SLC18A2: variants seen among roughly 807,000 people sequenced by gnomAD.
SLC18A2 encodes the protein solute carrier family 18 member A2, also known as synaptic vesicular amine transporter.
In SLC18A2, 33 loss-of-function variants were observed where a neutral mutation model predicts 59.2. That is an observed-to-expected ratio of 0.56 (90% CI 0.42 to 0.75). The LOEUF (loss-of-function observed/expected upper bound fraction) is 0.75, where lower values mean the gene tolerates loss of function less well. Among genes scored for constraint, SLC18A2 ranks in the 30% least tolerant of loss-of-function variants. SLC18A2 has a pLI of 0.00. For missense variants in SLC18A2, 569 were observed against 668.6 expected (o/e 0.85, Z 1.64); for synonymous variants, 228 against 253.5 (o/e 0.90, Z 0.95).
Position 117,272,198 on chromosome 10 carries a change from A to G in SLC18A2, c.1440+1735A>G, listed in dbSNP as rs1247088157. 4.6e-5 allele frequency among the ~76,000 whole-genome samples: 7 copies of G among 152,078 alleles called. No individual in the cohort carries two copies. The South Asian group carries it at 1.0e-3, about 23-fold the overall frequency. ...CCTGTGGCTCAAAAAGTGTGTTCCT[A>G]TTTCCAATATCACCCCACTCTTTCC... On this transcript the variant is annotated intron_variant, in intron 15 of 15. Transcript: ENST00000644641.
intron 3 of SLC18A2, among the ~76,000 whole-genome samples, chr10:117,250,451 A>G (rs374917494): frequency 2.3e-4 from 35 of 152,298 alleles, no homozygotes; most frequent in African/African-American, 7.0e-4. Flanking sequence ...CGTTTATTCC[A>G]TACGTGCATT....
At chr10:117,244,511 G>T (rs1478965895) in intron 3 of SLC18A2, among the ~76,000 whole-genome samples, 198 bp downstream of exon 3, 1 of 152,184 alleles carries the variant, frequency 6.6e-6, no homozygotes, top group Admixed American at 6.5e-5. Flanking sequence ...CCCTTCTGTT[G>T]CTCAACAAGT....
intron 9 of SLC18A2, among the ~76,000 whole-genome samples, chr10:117,256,037 GGTCCCCGGTGGGCAGTCT>G: frequency 6.6e-6 from 1 of 152,144 alleles, no homozygotes; most frequent in South Asian, 2.1e-4. Context: ...TCAAGGCAAG[GGTCCCCGGTGGGCAGTCT>G]GACTCACCTT....
chr10:117,253,217 C>A (rs1011841441), intron 3 of SLC18A2, among the ~76,000 whole-genome samples, 182 bp from the exon 4 acceptor site: 4 of 152,166 alleles, frequency 2.6e-5, no homozygotes, highest in Non-Finnish European at 5.9e-5. Flanking sequence ...TAAATGTATT[C>A]ACGTTCCAAG....
At chr10:117,246,296 A>G (rs527454999) in intron 3 of SLC18A2, among the ~76,000 whole-genome samples, 16 of 152,162 alleles carry the variant, frequency 1.1e-4, no homozygotes, top group Non-Finnish European at 2.1e-4. Flanking sequence ...TGATGTGAGT[A>G]CTCCAATCTT....
At chr10:117,273,384 T>C (rs915066802) in intron 15 of SLC18A2, among the ~76,000 whole-genome samples, 3 of 152,208 alleles carry the variant, frequency 2.0e-5, no homozygotes, top group Non-Finnish European at 2.9e-5. Flanking sequence ...GATTTTTTTT[T>C]CCAGGTTGAA....
chr10:117,245,095 G>C (rs1391206525), intron 3 of SLC18A2, among the ~76,000 whole-genome samples: 1 of 152,180 alleles, frequency 6.6e-6, no homozygotes, highest in Non-Finnish European at 1.5e-5. Flanking sequence ...GGGGCTCAAA[G>C]CTCAGGACAA....
In SLC18A2 at chr10:117,269,288, CAT is replaced by C. The variant is rs1237240680; in HGVS notation, c.1187-777_1187-776del. 3.3e-5 allele frequency among the ~76,000 whole-genome samples: 5 copies of C among 152,006 alleles called. No individual in the cohort carries two copies. The highest frequency in any genetic ancestry group is 4.8e-5 in the African/African-American group (2 of 41,452). On this transcript the variant is annotated intron_variant, in intron 13 of 15. Transcript: ENST00000644641. This position sits in a 1 kb window ranked among gnomAD's most constrained non-coding sequence, Gnocchi z 5.1. ...ATACACATGCAAACACATGTACACA[CAT>C]ATATACACATACATACACAGATACA...
chr10:117,242,909 T>G (rs1486007190), intron 2 of SLC18A2, among the ~76,000 whole-genome samples: 1 of 152,128 alleles, frequency 6.6e-6, no homozygotes, highest in African/African-American at 2.4e-5. Flanking sequence ...TTTTTGTATT[T>G]TTATTAGAGA....
intron 10 of SLC18A2, among the ~76,000 whole-genome samples, chr10:117,261,859 C>T (rs567964619): frequency 6.6e-6 from 1 of 152,262 alleles, no homozygotes; most frequent in Admixed American, 6.5e-5. Flanking sequence ...GATGGTTGCT[C>T]AACTCTGTGA....
chr10:117,263,239 TG>T (rs1844314429), intron 10 of SLC18A2, among the ~76,000 whole-genome samples: 1 of 152,128 alleles, frequency 6.6e-6, no homozygotes, highest in Admixed American at 6.5e-5. Flanking sequence ...TCCCTGACCC[TG>T]GGGATGGGGT....
At chr10:117,252,291 A>AT (rs74595901) in intron 3 of SLC18A2, among the ~76,000 whole-genome samples, 30,956 of 151,336 alleles carry the variant, frequency 0.2, 3,869 homozygotes, top group East Asian at 0.56. Flanking sequence ...GCCGATTACA[A>AT]TTTTTTATTA....
intron 2 of SLC18A2, among the ~76,000 whole-genome samples, chr10:117,242,141 A>G (rs1381055337): frequency 1.3e-5 from 2 of 152,226 alleles, no homozygotes; most frequent in Non-Finnish European, 1.5e-5. Context: ...AGAAATTCCT[A>G]AAGTTCAAAA....
At chr10:117,251,223 G>GCCC (rs1844158870) in intron 3 of SLC18A2, among the ~76,000 whole-genome samples, 1 of 152,180 alleles carries the variant, frequency 6.6e-6, no homozygotes, top group Non-Finnish European at 1.5e-5. Flanking sequence ...TTCCAGGACA[G>GCCC]CCCGGAAGAT....
Position 117,270,055 on chromosome 10 carries a change from C to A in SLC18A2, c.1187-16C>A, listed in dbSNP as rs1314513745. 1 of 1,613,894 alleles carries A rather than the reference C, an allele frequency of 6.2e-7. No individual in the cohort carries two copies. The highest frequency in any genetic ancestry group is 8.5e-7 in the Non-Finnish European group (1 of 1,179,862). On this transcript the variant is annotated splice_polypyrimidine_tract_variant and intron_variant, in intron 13 of 15. Transcript: ENST00000644641. Reference sequence around the variant, plus strand: ...ACATCCGTTTTCTATACACTGTGTTCCCTGACTGTCTTCAGGAATGGTGGA... The same window carrying A: ...ACATCCGTTTTCTATACACTGTGTTACCTGACTGTCTTCAGGAATGGTGGA...
intron 3 of SLC18A2, among the ~76,000 whole-genome samples, chr10:117,250,491 A>T (rs902292786): frequency 2.0e-5 from 3 of 152,230 alleles, no homozygotes; most frequent in African/African-American, 7.2e-5. Flanking sequence ...TTAAAAAGAA[A>T]AACAGTAGCT....
intron 3 of SLC18A2, among the ~76,000 whole-genome samples, chr10:117,250,510 T>G (rs1484945694): frequency 2.0e-5 from 3 of 152,238 alleles, no homozygotes; most frequent in Admixed American, 2.0e-4. Flanking sequence ...CTGCAGTGTT[T>G]CTAAAGAAAA....
intron 14 of SLC18A2, 54 bp downstream of exon 14, chr10:117,270,244 C>T (rs566052280): frequency 6.8e-6 from 11 of 1,612,970 alleles, no homozygotes; most frequent in African/African-American, 2.7e-5. Context: ...TAATGGATAA[C>T]GTCTACTAAA....
intron 15 of SLC18A2, among the ~76,000 whole-genome samples, chr10:117,274,708 C>A (rs1304932957): frequency 6.6e-6 from 1 of 152,140 alleles, no homozygotes; most frequent in Non-Finnish European, 1.5e-5. Context: ...CTGTCCAAAC[C>A]TTTTCCATCT....
Sources: allele counts gnomAD v4.1 joint callset (sites outside exome capture counted in the v4.1 genomes callset), GRCh38; gene constraint gnomAD v4.1.1; non-coding constraint Gnocchi (gnomAD v3.1); transcripts MANE v1.5; gene names NCBI Gene and HGNC (gene_info 2026-07-23, HGNC 2026-07-21).